Variants in RSBN1 observed in about 807,000 individuals in gnomAD.
RSBN1 encodes the protein lysine-specific demethylase 9.
RSBN1 carries 23 observed loss-of-function variants against 74.8 expected under a neutral mutation model. The observed-to-expected ratio is 0.31, with a 90% CI of 0.22 to 0.44. The LOEUF is 0.44. Among genes scored for constraint, RSBN1 ranks in the 20% least tolerant of loss-of-function variants. The probability of loss-of-function intolerance (pLI) is 1.00; values close to 1 mark genes in which losing one functional copy is unlikely to be tolerated. For synonymous variants in RSBN1, 407 were observed against 379.6 expected (o/e 1.07, Z -0.84); for missense variants, 808 against 1,020.9 (o/e 0.79, Z 2.84).
At chr1:113,809,893 A>G (rs1351798649) in intron 1 of RSBN1, among the ~76,000 whole-genome samples, 1 of 152,250 alleles carries the variant, frequency 6.6e-6, no homozygotes, top group Non-Finnish European at 1.5e-5. Context: ...CATATTGGTC[A>G]GCACAAATAC....
chr1:113,807,030 A>G (rs979885415), intron 1 of RSBN1, among the ~76,000 whole-genome samples: 66 of 150,338 alleles, frequency 4.4e-4, no homozygotes, highest in African/African-American at 1.5e-3. Context: ...AAAAACAAAC[A>G]GGCTGGGCGT....
intron 4 of RSBN1, among the ~76,000 whole-genome samples, chr1:113,773,707 G>T (rs1312249239): frequency 6.6e-6 from 1 of 151,722 alleles, no homozygotes; most frequent in African/African-American, 2.4e-5. Flanking sequence ...TTTTTACTAA[G>T]AATATAAACA....
At position 113,763,674 on chromosome 1, in the gene RSBN1, G is replaced by C. The variant is rs1659728136; in HGVS notation, c.*2306C>G. 2.0e-5 allele frequency: 3 copies of C among 152,656 alleles called. No individual in the cohort carries two copies. Among genetic ancestry groups the C allele is most frequent in the Admixed American group, 6.5e-5 (1 of 15,268 alleles). The allele number at this position is 152,656 out of a possible 1,614,324, so 9.5% of individuals were successfully genotyped here. Reference sequence around the variant, plus strand: ...ATTCTAACATACAATGAATTTATTAGTACATGATTTTAAACATTTTTATTG... The same window carrying C: ...ATTCTAACATACAATGAATTTATTACTACATGATTTTAAACATTTTTATTG... On this transcript the variant is annotated 3_prime_UTR_variant, in exon 7 of 7. Transcript: ENST00000261441.
chr1:113,773,765 G>A (rs886793754), intron 4 of RSBN1, among the ~76,000 whole-genome samples: 4 of 152,326 alleles, frequency 2.6e-5, no homozygotes, highest in Admixed American at 1.3e-4. Context: ...AGCACTTGGG[G>A]AGGCTGAGGC....
At chr1:113,808,361 G>GA (rs919847914) in intron 1 of RSBN1, among the ~76,000 whole-genome samples, 17 of 150,994 alleles carry the variant, frequency 1.1e-4, no homozygotes, top group Non-Finnish European at 2.2e-4. Flanking sequence ...ACAGTGACAA[G>GA]AAAAAAAAAG....
chr1:113,793,137 T>C (rs979302040), intron 2 of RSBN1, among the ~76,000 whole-genome samples: 1 of 152,234 alleles, frequency 6.6e-6, no homozygotes, highest in Non-Finnish European at 1.5e-5. Flanking sequence ...TCTCAAAGTT[T>C]AATGTGCATA....
Position 113,765,866 on chromosome 1 carries a change from T to G in RSBN1, c.*114A>C. ...GACATTTGTGGAATGTCATTTCTCT[T>G]TATAGAATTATAGGCAAGATTTCTC... On this transcript the variant is annotated 3_prime_UTR_variant, in exon 7 of 7. Coordinates refer to ENST00000261441, the MANE Select transcript of RSBN1 (RefSeq NM_018364.5). 1 of 736,930 alleles carries G rather than the reference T, an allele frequency of 1.4e-6. No homozygotes were observed. The highest frequency in any genetic ancestry group is 1.9e-5 in the South Asian group (1 of 51,922). 45.6% of individuals were successfully genotyped at this position (736,930 alleles called of 1,614,324 possible).
chr1:113,780,019 CAA>C (rs1427096432), intron 2 of RSBN1, among the ~76,000 whole-genome samples: 8 of 133,748 alleles, frequency 6.0e-5, no homozygotes, highest in Non-Finnish European at 4.9e-5. Flanking sequence ...GACTCCGTCT[CAA>C]AAAAAAAAAA....
chr1:113,762,582 A>C lies in RSBN1; in HGVS notation c.*3398T>G, dbSNP rs573397327. ...ATTAGAAAGATACAAAATTATCCTAAAGGCATAAATGCAAATAAATTTTTT... is the reference window on the plus strand; with the variant it reads ...ATTAGAAAGATACAAAATTATCCTACAGGCATAAATGCAAATAAATTTTTT... On this transcript the variant is annotated 3_prime_UTR_variant, in exon 7 of 7. Transcript: ENST00000261441. The C allele has an allele frequency of 6.5e-6, 1 of 152,906 alleles. No individual in the cohort carries two copies. The highest frequency in any genetic ancestry group is 6.5e-5 in the Admixed American group (1 of 15,298). 9.5% of individuals were successfully genotyped at this position (152,906 alleles called of 1,614,324 possible).
chr1:113,787,454 T>C (rs949653384), intron 2 of RSBN1, among the ~76,000 whole-genome samples: 5 of 152,204 alleles, frequency 3.3e-5, no homozygotes, highest in African/African-American at 9.6e-5. Context: ...GAACAAAGCA[T>C]GCAACTAAAA....
Position 113,812,366 on chromosome 1 carries a change from T to A in RSBN1, c.47A>T (p.Glu16Val). ...RRTADKWRAEERLQCPAGSAR... is the reference protein window; with the variant it reads ...RRTADKWRAEVRLQCPAGSAR... ...ACTGCCCGCTGGGCATTGGAGTCTC[T>A]CCTCCGCCCTCCACTTGTCGGCCGT... Residue 16 changes from glutamate to valine, a missense_variant, in exon 1 of 7, where the codon GAG (glutamate) becomes GTG (valine). Coordinates refer to ENST00000261441, the MANE Select transcript of RSBN1 (RefSeq NM_018364.5). 6.2e-7 allele frequency: 1 copy of A among 1,602,562 alleles called. No homozygotes were observed. Among genetic ancestry groups the A allele is most frequent in the South Asian group, 1.1e-5 (1 of 90,974 alleles).
At chr1:113,787,349 C>G (rs1217193446) in intron 2 of RSBN1, among the ~76,000 whole-genome samples, 4 of 152,106 alleles carry the variant, frequency 2.6e-5, no homozygotes, top group Non-Finnish European at 5.9e-5. Flanking sequence ...GAAGTAAAAA[C>G]TACAGATACA....
chr1:113,782,142 A>G (rs1029320528), intron 2 of RSBN1, among the ~76,000 whole-genome samples: 2 of 152,174 alleles, frequency 1.3e-5, no homozygotes, highest in Non-Finnish European at 2.9e-5. Context: ...CATTTCGCAA[A>G]TTCTAAATAA....
In RSBN1 at chr1:113,767,194, G is replaced by A. The variant is rs1297485680; in HGVS notation, c.1840C>T (p.Arg614Cys). ...AAACAAATCACATCTTTGGTTATGC[G>A]AGGTTGGTCACTCCTAAGATTAACA... The part of the protein sequence containing the change: ...VQFGEWSDQP[R>C]ITKDVICFHA... The change falls in exon 6 of 7, where the codon CGC becomes TGC. Residue 614 changes from arginine to cysteine, a missense_variant. Physicochemically the swap from Arg to Cys is radical, Grantham distance 180. Around this residue, in one of 6 missense-constraint regions of RSBN1, gnomAD observed 18 missense variants for 16.2 expected, o/e 1.11. Coordinates refer to ENST00000261441, the MANE Select transcript of RSBN1 (RefSeq NM_018364.5). 7.5e-6 allele frequency: 12 copies of A among 1,607,820 alleles called. No homozygotes were observed. The highest frequency in any genetic ancestry group is 2.2e-5 in the East Asian group (1 of 44,746).
Position 113,811,834 on chromosome 1 carries a change from C to T in RSBN1, c.579G>A (p.Lys193=), listed in dbSNP as rs1660858910. The T allele has an allele frequency of 3.1e-6, 5 of 1,613,646 alleles. No homozygotes were observed. Among genetic ancestry groups the T allele is most frequent in the African/African-American group, 1.3e-5 (1 of 74,818 alleles). ...PKHKGHKERH[K]HHHHRGPDGD... ...CATCGGGGCCGCGGTGGTGATGGTG[C>T]TTGTGCCGCTCCTTGTGGCCCTTAT... is the stretch of plus-strand genomic sequence containing the variant. Residue 193 remains lysine (K), a synonymous_variant, in exon 1 of 7, where the codon AAG becomes AAA. Coordinates refer to ENST00000261441, the MANE Select transcript of RSBN1 (RefSeq NM_018364.5).
In RSBN1 at chr1:113,811,742, C is replaced by G. The variant is rs142666867; in HGVS notation, c.671G>C (p.Gly224Ala). 22 of 1,610,274 alleles carry G rather than the reference C, an allele frequency of 1.4e-5. No individual in the cohort carries two copies. The highest frequency in any genetic ancestry group is 1.8e-5 in the Non-Finnish European group (21 of 1,178,112). ...KDKQENGERT[G>A]GVPLIKAPKR... ...GGGGGCTTTGATCAGAGGCACCCCT[C>G]CAGTCCTCTCGCCGTTTTCCTGCTT... The change falls in exon 1 of 7, where the codon GGA becomes GCA. Residue 224 changes from glycine (G) to alanine (A), a missense_variant. By Grantham distance (60) the Gly-to-Ala change is moderately conservative. Transcript: ENST00000261441.
chr1:113,797,589 G>C lies in RSBN1; in HGVS notation c.1151C>G (p.Ser384Cys). Residue 384 changes from serine (S) to cysteine (C), a missense_variant, in exon 2 of 7, where the codon TCT becomes TGT. Transcript: ENST00000261441. The stretch of plus-strand genomic sequence containing the variant: ...AGAAAATCTCTCCATCTCCATTGGA[G>C]ACAAAAATGAGAGTTCATCCATGTA... ...HAYMDELSFL[S>C]PMEMERFSEE... 2 of 1,612,862 alleles carry C rather than the reference G, an allele frequency of 1.2e-6. No individual in the cohort carries two copies. The highest frequency in any genetic ancestry group is 1.1e-5 in the South Asian group (1 of 90,968).
Position 113,763,397 on chromosome 1 carries a change from C to CT in RSBN1, c.*2582dup, listed in dbSNP as rs1432987001. ...AGTTACAACTTCACTGCCATCACTA[C>CT]TTTAACAAATCAGAAGACGCCAGAT... is the stretch of plus-strand genomic sequence containing the variant. On this transcript the variant is annotated 3_prime_UTR_variant, in exon 7 of 7. Coordinates refer to ENST00000261441, the MANE Select transcript of RSBN1 (RefSeq NM_018364.5). 6.5e-6 allele frequency: 1 copy of CT among 152,710 alleles called. No homozygotes were observed. The highest frequency in any genetic ancestry group is 1.5e-5 in the Non-Finnish European group (1 of 68,036). 9.5% of individuals were successfully genotyped at this position (152,710 alleles called of 1,614,324 possible). A position where few individuals can be genotyped will look rare whatever the true frequency, so the allele number is the denominator to read the frequency against.
At chr1:113,802,855 G>C (rs1036501346) in intron 1 of RSBN1, among the ~76,000 whole-genome samples, 2 of 151,940 alleles carry the variant, frequency 1.3e-5, no homozygotes, top group African/African-American at 4.8e-5. Flanking sequence ...ATCATTATTC[G>C]CCTGCCCGCA....
Sources: allele counts gnomAD v4.1 joint callset (sites outside exome capture counted in the v4.1 genomes callset), GRCh38; gene constraint gnomAD v4.1.1; regional missense constraint gnomAD v4.1.1; transcripts MANE v1.5; gene names NCBI Gene and HGNC (gene_info 2026-07-23, HGNC 2026-07-21).